Variants in AOPEP observed in about 807,000 individuals in gnomAD.
AOPEP encodes aminopeptidase O.
In AOPEP, 77 loss-of-function variants were observed where a neutral mutation model predicts 98.1. That is an observed-to-expected ratio of 0.78 (90% confidence interval 0.65 to 0.95). AOPEP has a LOEUF of 0.95. Among genes scored for constraint, AOPEP ranks in the 40% least tolerant of loss-of-function variants. The pLI, the probability that AOPEP is intolerant of heterozygous loss-of-function variation, is 0.00. For synonymous variants in AOPEP, 346 were observed against 365.3 expected (o/e 0.95, Z 0.60); for missense variants, 1,024 against 1,024.7 (o/e 1.00, Z 0.01).
intron 13 of AOPEP, among the ~76,000 whole-genome samples, chr9:95,011,340 C>T (rs2062499866): frequency 6.6e-6 from 1 of 151,926 alleles, no homozygotes; most frequent in Non-Finnish European, 1.5e-5. Flanking sequence ...GGACTACAGG[C>T]ACGTGCCACC....
intron 7 of AOPEP, among the ~76,000 whole-genome samples, chr9:94,942,860 G>A (rs566989944): frequency 1.4e-5 from 2 of 143,054 alleles, no homozygotes; most frequent in African/African-American, 5.2e-5. Context: ...AGTTGAGGTT[G>A]TGCCATTGCA....
the AOPEP span, among the ~76,000 whole-genome samples, chr9:95,095,955 T>C: frequency 6.6e-6 from 1 of 152,180 alleles, no homozygotes; most frequent in African/African-American, 2.4e-5. Context: ...TTCTGCATTT[T>C]GGGAGGAGGG....
rs139759381 is a variant in AOPEP at position 94,738,764 on chromosome 9, C to T, written c.-136+12013C>T. 9.8e-3 allele frequency among the ~76,000 whole-genome samples: 1,486 copies of T among 151,826 alleles called. 26 individuals carry two copies. The highest frequency in any genetic ancestry group is 0.033 in the African/African-American group (1,372 of 41,438). On this transcript the variant is annotated intron_variant, in intron 1 of 16. Coordinates refer to ENST00000375315, the MANE Select transcript of AOPEP (RefSeq NM_001193329.3). ...AATTTTTTTGTATTTTTAGTAGAGA[C>T]GGGGTTTCACCGTGTTAGCCAGGAT...
At chr9:94,738,535 C>T (rs1832290576) in intron 1 of AOPEP, among the ~76,000 whole-genome samples, 1 of 152,056 alleles carries the variant, frequency 6.6e-6, no homozygotes, top group South Asian at 2.1e-4. Context: ...ACCACCTGTG[C>T]TACAGGAGAT....
intron 2 of AOPEP, among the ~76,000 whole-genome samples, chr9:94,769,894 A>T (rs1457001200): frequency 6.6e-6 from 1 of 152,226 alleles, no homozygotes; most frequent in African/African-American, 2.4e-5. Flanking sequence ...AGAACTAGAT[A>T]GCTAAAGAGG....
chr9:94,749,922 T>A (rs930081937), intron 1 of AOPEP, among the ~76,000 whole-genome samples: 37 of 151,982 alleles, frequency 2.4e-4, no homozygotes, highest in African/African-American at 8.7e-4. Context: ...TCTAGTATTA[T>A]GTTTTATTTT....
intron 6 of AOPEP, among the ~76,000 whole-genome samples, chr9:94,928,190 C>A (rs1036926043): frequency 1.3e-5 from 2 of 152,244 alleles, no homozygotes; most frequent in Non-Finnish European, 2.9e-5. Flanking sequence ...AACAAGGCGA[C>A]CTCCGCCAAA....
the AOPEP span, among the ~76,000 whole-genome samples, chr9:95,093,668 C>T: frequency 3.3e-5 from 5 of 152,218 alleles, no homozygotes; most frequent in African/African-American, 1.2e-4. Flanking sequence ...TTACCGTCTC[C>T]ACCCTGGCGC....
chr9:94,917,177 T>C (rs1255961139), intron 5 of AOPEP, among the ~76,000 whole-genome samples: 1 of 152,164 alleles, frequency 6.6e-6, no homozygotes, highest in Non-Finnish European at 1.5e-5. Context: ...CACAACGTTC[T>C]CTCGGGATGT....
At chr9:94,936,403 C>A (rs1156502353) in intron 7 of AOPEP, among the ~76,000 whole-genome samples, 1 of 152,148 alleles carries the variant, frequency 6.6e-6, no homozygotes, top group Non-Finnish European at 1.5e-5. Context: ...TACTAAAGGC[C>A]AACATAAATT....
At chr9:94,735,512 G>A (rs1202393075) in intron 1 of AOPEP, among the ~76,000 whole-genome samples, 8 of 152,064 alleles carry the variant, frequency 5.3e-5, no homozygotes, top group Admixed American at 6.6e-5. Context: ...GAGCCACCGC[G>A]CCCGGCCAAG....
At chr9:94,787,045 A>G (rs898477445) in intron 3 of AOPEP, among the ~76,000 whole-genome samples, 1 of 152,242 alleles carries the variant, frequency 6.6e-6, no homozygotes, top group African/African-American at 2.4e-5. Context: ...TTGAGCACTT[A>G]AAGTATGAAT....
intron 5 of AOPEP, among the ~76,000 whole-genome samples, chr9:94,864,188 T>G (rs2045444447): frequency 6.6e-6 from 1 of 152,244 alleles, no homozygotes; most frequent in South Asian, 2.1e-4. Flanking sequence ...GAGAAAAGAC[T>G]GATATGGCCT....
chr9:95,103,859 A>G, the AOPEP span, among the ~76,000 whole-genome samples: 1 of 152,178 alleles, frequency 6.6e-6, no homozygotes, highest in Non-Finnish European at 1.5e-5. Flanking sequence ...AGATGGAGCC[A>G]CTCGCTCAAG....
downstream of AOPEP, among the ~76,000 whole-genome samples, chr9:95,089,937 G>GGA (rs2070843215): frequency 1.3e-5 from 2 of 152,244 alleles, no homozygotes; most frequent in South Asian, 4.1e-4. Flanking sequence ...ACCCAGGACT[G>GGA]GAGGGTCCCC....
intron 7 of AOPEP, among the ~76,000 whole-genome samples, chr9:94,948,867 C>A (rs1050173200): frequency 6.6e-6 from 1 of 152,208 alleles, no homozygotes; most frequent in African/African-American, 2.4e-5. Flanking sequence ...CTCCAAAGCC[C>A]TTTTTGTTGT....
the AOPEP span, among the ~76,000 whole-genome samples, chr9:95,147,479 G>A: frequency 6.6e-6 from 1 of 152,132 alleles, no homozygotes; most frequent in Non-Finnish European, 1.5e-5. Flanking sequence ...TTGCACCACT[G>A]TACTCCAGCC....
intron 5 of AOPEP, among the ~76,000 whole-genome samples, chr9:94,839,668 C>T (rs1049341796): frequency 6.6e-6 from 1 of 152,132 alleles, no homozygotes; most frequent in Non-Finnish European, 1.5e-5. Flanking sequence ...TTATTTGTTT[C>T]TTTCTAATCT....
chr9:94,964,635 C>CTTT (rs1240777817), intron 9 of AOPEP, among the ~76,000 whole-genome samples: 50 of 122,598 alleles, frequency 4.1e-4, no homozygotes, highest in Non-Finnish European at 6.4e-4. Flanking sequence ...AGTACTTGGA[C>CTTT]TTTTTTTTTT....
Sources: gnomAD v4.1 joint callset for allele counts (sites outside exome capture counted in the v4.1 genomes callset) on GRCh38, gnomAD v4.1.1 for gene constraint, MANE v1.5 for transcripts, NCBI Gene and HGNC (gene_info 2026-07-23, HGNC 2026-07-21) for gene names.